TRMT6: variants seen among roughly 807,000 people sequenced by gnomAD.
The protein encoded by TRMT6 is tRNA (adenine(58)-N(1))-methyltransferase non-catalytic subunit TRM6.
In TRMT6, 34 loss-of-function variants were observed where a neutral mutation model predicts 59.0. The observed-to-expected ratio is 0.58, with a 90% confidence interval of 0.44 to 0.77. The LOEUF (loss-of-function observed/expected upper bound fraction) is 0.77. TRMT6 is among the 30% of genes least tolerant of loss of function. The pLI, the probability that TRMT6 is intolerant of heterozygous loss-of-function variation, is 0.00. For missense variants in TRMT6, 575 were observed against 604.5 expected (o/e 0.95, Z 0.51); for synonymous variants, 217 against 210.5 (o/e 1.03, Z -0.27).
chr20:5,938,443 G>C lies in TRMT6; in HGVS notation c.*92C>G. 7.8e-7 allele frequency: 1 copy of C among 1,276,034 alleles called. No individual in the cohort carries two copies. The highest frequency in any genetic ancestry group is 2.3e-5 in the East Asian group (1 of 42,962). The allele number at this position is 1,276,034 out of a possible 1,614,324, so 79.0% of individuals were successfully genotyped here. A position where few individuals can be genotyped will look rare whatever the true frequency, so the allele number is the denominator to read the frequency against. ...GTACATAGACATGTTCTTATTCTTG[G>C]GATATGAAAAAACAAGTAGTAATGG... On this transcript the variant is annotated 3_prime_UTR_variant, in exon 11 of 11. Coordinates refer to ENST00000203001, the MANE Select transcript of TRMT6 (RefSeq NM_015939.5).
At chr20:5,944,702 G>T in intron 3 of TRMT6, 103 bp downstream of exon 3, 1 of 741,182 alleles carries the variant, frequency 1.3e-6, no homozygotes, top group Non-Finnish European at 2.3e-6. Flanking sequence ...AAGCTATAAC[G>T]TTATTTTTTT....
chr20:5,943,502 C>T, intron 6 of TRMT6, 57 bp downstream of exon 6: 1 of 1,591,470 alleles, frequency 6.3e-7, no homozygotes, highest in Non-Finnish European at 8.6e-7. Context: ...CATTTTTGGA[C>T]CACCTTTACT....
chr20:5,938,687 C>T lies in TRMT6; in HGVS notation c.1342G>A (p.Gly448Arg), dbSNP rs1428373117. 3.1e-6 allele frequency: 5 copies of T among 1,614,128 alleles called. No homozygotes were observed. The African/African-American group carries it at 5.3e-5, about 17-fold the overall frequency. Residue 448 changes from glycine (G) to arginine (R), a missense_variant, in exon 11 of 11, where the codon GGA becomes AGA. By Grantham distance (125) the Gly-to-Arg change is moderately radical. Transcript: ENST00000203001. ...CCGGAGAGAAGATAACCCCCACCTC[C>T]ACTCATCAGCAGTTTAGGATGACTT... Reference protein sequence around the residue: ...DRSHPKLLMSGGGGYLLSGFT... With the variant: ...DRSHPKLLMSRGGGYLLSGFT...
At chr20:5,941,001 A>C (rs2088650837) in intron 10 of TRMT6, 52 bp downstream of exon 10, 13 of 1,378,210 alleles carry the variant, frequency 9.4e-6, no homozygotes, top group Non-Finnish European at 1.2e-5. Context: ...TACTGCAAGG[A>C]AAGTCAAGTC....
chr20:5,938,871 C>G (rs946159410), intron 10 of TRMT6, 145 bp from the exon 11 acceptor site: 2 of 608,694 alleles, frequency 3.3e-6, no homozygotes, highest in African/African-American at 1.9e-5. Flanking sequence ...TTTCTTTTCC[C>G]TCCCTCCCTC....
At position 5,944,823 on chromosome 20, in the gene TRMT6, G is replaced by C. The variant is rs745755561; in HGVS notation, c.348C>G (p.Asp116Glu). 6.2e-7 allele frequency: 1 copy of C among 1,612,844 alleles called. No individual in the cohort carries two copies. Among genetic ancestry groups the C allele is most frequent in the African/African-American group, 1.3e-5 (1 of 74,870 alleles). The change falls in exon 3 of 11, where the codon GAC (aspartate) becomes GAG (glutamate). Residue 116 changes from aspartate (D) to glutamate (E), a missense_variant. Physicochemically the swap from Asp to Glu is conservative, Grantham distance 45. Transcript: ENST00000203001. ...ATATTACCTCTCCTTTAATGCCCTT[G>C]TCCTTCAAAGCTTTTATGTCATCTT... ...LTQDDIKALKDKGIKGEEIVQ... is the reference protein window; with the variant it reads ...LTQDDIKALKEKGIKGEEIVQ...
At chr20:5,938,807 T>C (rs1401724708) in intron 10 of TRMT6, 81 bp from the exon 11 acceptor site, 5 of 1,268,844 alleles carry the variant, frequency 3.9e-6, no homozygotes, top group Admixed American at 4.8e-5. Context: ...AAAATCAGAA[T>C]TTAAACAACA....
chr20:5,941,979 C>T lies in TRMT6; in HGVS notation c.1084G>A (p.Ala362Thr), dbSNP rs575474127. The change falls in exon 8 of 11, where the codon GCT becomes ACT. Residue 362 changes from alanine to threonine, a missense_variant. Physicochemically the swap from Ala to Thr is moderately conservative, Grantham distance 58. Transcript: ENST00000203001. The part of the protein sequence containing the change: ...EQRKRHLEAA[A>T]LLSERNADGL... ...TCTGCGTTTCTTTCACTCAGCAGAG[C>T]GGCAGCCTCTAAATGTCTTTTCCTC... The T allele has an allele frequency of 2.3e-5, 37 of 1,613,474 alleles. No homozygotes were observed. The Admixed American group carries it at 4.0e-4, about 17-fold the overall frequency.
rs947211103 is a variant in TRMT6, at chr20:5,942,300, C to T, written c.1026+128G>A. ...ACGTTTGTATACATGTACACACACT[C>T]GTTCTCTGTTTTGATAGTTATCATC... On this transcript the variant is annotated intron_variant, in intron 7 of 10. Transcript: ENST00000203001. 3.9e-5 allele frequency: 35 copies of T among 889,040 alleles called. No homozygotes were observed. In the South Asian group the frequency reaches 4.0e-4, roughly 10 times the overall value. The allele number at this position is 889,040 out of a possible 1,614,324, so 55.1% of individuals were successfully genotyped here.
chr20:5,944,289 T>G, intron 3 of TRMT6, 36 bp from the exon 4 acceptor site: 3 of 1,299,382 alleles, frequency 2.3e-6, no homozygotes, highest in Non-Finnish European at 2.1e-6. Flanking sequence ...TTCTGAAACT[T>G]TACTTTCACA....
At chr20:5,950,167 G>A in intron 1 of TRMT6, 111 bp downstream of exon 1, 1 of 1,205,606 alleles carries the variant, frequency 8.3e-7, no homozygotes, top group Non-Finnish European at 1.1e-6. Flanking sequence ...AATGGGGACC[G>A]AGAGAGCCAA....
intron 1 of TRMT6, among the ~76,000 whole-genome samples, chr20:5,947,251 C>T (rs190444077): frequency 2.6e-5 from 4 of 152,214 alleles, no homozygotes; most frequent in African/African-American, 9.6e-5. Context: ...CTATACCACA[C>T]GGTCTACTCC....
Position 5,945,509 on chromosome 20 carries a change from A to G in TRMT6, c.257-595T>C, listed in dbSNP as rs371276839. On this transcript the variant is annotated intron_variant, in intron 2 of 10. Transcript: ENST00000203001. ...TTATCTTCATAGCATGTGTCACTTC[A>G]CCATCAGAAATCATGCTGTTTGCTT... 3.3e-5 allele frequency among the ~76,000 whole-genome samples: 5 copies of G among 152,298 alleles called. No individual in the cohort carries two copies. The South Asian group carries it at 6.2e-4, about 19-fold the overall frequency.
chr20:5,947,150 G>C (rs1374092815), intron 1 of TRMT6, among the ~76,000 whole-genome samples: 7 of 152,206 alleles, frequency 4.6e-5, no homozygotes, highest in African/African-American at 1.7e-4. Context: ...CCAGGGAGAA[G>C]TATCTTGTCC....
chr20:5,942,561 G>A lies in TRMT6; in HGVS notation c.893C>T (p.Ser298Phe). 6.2e-7 allele frequency: 1 copy of A among 1,614,082 alleles called. No homozygotes were observed. The highest frequency in any genetic ancestry group is 2.2e-5 in the East Asian group (1 of 44,880). The stretch of plus-strand genomic sequence containing the variant: ...CATGCTGTCTTCATTCTCTTGTTCA[G>A]AAGCCTGTTTTTCCTCCAGTGTGCC... ...SNGTLEEKQASEQENEDSMAE... is the reference protein window; with the variant it reads ...SNGTLEEKQAFEQENEDSMAE... Residue 298 changes from serine to phenylalanine, a missense_variant, in exon 7 of 11, where the codon TCT (serine) becomes TTT (phenylalanine). Transcript: ENST00000203001.
intron 8 of TRMT6, 67 bp from the exon 9 acceptor site, chr20:5,941,412 C>T (rs1401253188): frequency 2.1e-5 from 23 of 1,118,108 alleles, no homozygotes; most frequent in Non-Finnish European, 1.3e-6. Flanking sequence ...TTTTAAAATG[C>T]ATTTAAAATG....
rs115842430 is a variant in TRMT6 at position 5,942,931 on chromosome 20, G to A, written c.668-145C>T. On this transcript the variant is annotated intron_variant, in intron 6 of 10. Transcript: ENST00000203001. ...CTGAAGGATGGTGCAGCTCCTCAGG[G>A]AGTCTGTTTGGAGTCTATGAGTATT... The A allele has an allele frequency of 1.5e-3, 989 of 677,234 alleles. 9 individuals are homozygous for A. In the African/African-American group the frequency reaches 0.016, roughly 11 times the overall value. 42.0% of individuals were successfully genotyped at this position (677,234 alleles called of 1,614,324 possible). A position where few individuals can be genotyped will look rare whatever the true frequency, so the allele number is the denominator to read the frequency against.
intron 1 of TRMT6, among the ~76,000 whole-genome samples, chr20:5,949,527 C>G (rs2088754526): frequency 6.6e-6 from 1 of 152,220 alleles, no homozygotes; most frequent in Non-Finnish European, 1.5e-5. Context: ...TACTAGCCAG[C>G]AGGTGCACAA....
intron 8 of TRMT6, 170 bp downstream of exon 8, chr20:5,941,781 T>C (rs1600222950): frequency 3.1e-6 from 2 of 648,808 alleles, no homozygotes; most frequent in Non-Finnish European, 5.5e-6. Flanking sequence ...CATCATCAAT[T>C]CCCCACCCCT....
Sources: gnomAD v4.1 joint callset for allele counts (sites outside exome capture counted in the v4.1 genomes callset) on GRCh38, gnomAD v4.1.1 for gene constraint, MANE v1.5 for transcripts, NCBI Gene and HGNC (gene_info 2026-07-23, HGNC 2026-07-21) for gene names.